ALDH18A1: variants seen among roughly 807,000 people sequenced by gnomAD.
ALDH18A1 encodes the protein aldehyde dehydrogenase 18 family member A1.
A neutral mutation model predicts 88.8 loss-of-function variants in ALDH18A1; 44 were observed. The observed-to-expected ratio is 0.50, with a 90% confidence interval of 0.39 to 0.64. The LOEUF (loss-of-function observed/expected upper bound fraction) is 0.64, where lower values mean the gene tolerates loss of function less well. Among genes scored for constraint, ALDH18A1 ranks in the 30% least tolerant of loss-of-function variants. ALDH18A1 has a pLI of 0.00. For missense variants in ALDH18A1, 782 were observed against 1,009.5 expected (o/e 0.77, Z 3.05); for synonymous variants, 331 against 372.1 (o/e 0.89, Z 1.27).
intron 2 of ALDH18A1, among the ~76,000 whole-genome samples, chr10:95,644,057 C>T (rs575546515): frequency 3.3e-5 from 5 of 152,236 alleles, no homozygotes; most frequent in Non-Finnish European, 7.4e-5. Flanking sequence ...GCAGGAGAAT[C>T]GCTTGAACCC....
At chr10:95,611,200 A>T (rs2097833644) in intron 16 of ALDH18A1, 56 bp downstream of exon 16, 1 of 1,603,500 alleles carries the variant, frequency 6.2e-7, no homozygotes, top group African/African-American at 1.3e-5. Context: ...TAAGAGGAGC[A>T]GGATCAGAAA....
In ALDH18A1 at chr10:95,606,900, T is replaced by A. The variant is rs2097823786; in HGVS notation, c.2250A>T (p.Gly750=). Reference sequence around the variant, plus strand: ...TAAGCAGTCCCTCAAGTCCTACTGGTCCCCGGGCGTGGATTCTCGATGTAC... The same window carrying A: ...TAAGCAGTCCCTCAAGTCCTACTGGACCCCGGGCGTGGATTCTCGATGTAC... The part of the protein sequence containing the change: ...GISTSRIHAR[G]PVGLEGLLTT... The change falls in exon 18 of 18, where the codon GGA becomes GGT. Residue 750 remains glycine (G), a synonymous_variant. Transcript: ENST00000371224. The A allele has an allele frequency of 6.2e-7, 1 of 1,614,008 alleles. No homozygotes were observed. The highest frequency in any genetic ancestry group is 8.5e-7 in the Non-Finnish European group (1 of 1,180,020).
In ALDH18A1 at chr10:95,625,618, T is replaced by G. The variant is rs951999347; in HGVS notation, c.1153-163A>C. ...ACTTCCCATCACTTATTCCCACCAC[T>G]GCTCCCCTTATTTCTTCCTTCCTCT... On this transcript the variant is annotated intron_variant, in intron 10 of 17. Coordinates refer to ENST00000371224, the MANE Select transcript of ALDH18A1 (RefSeq NM_002860.4). 2.6e-5 allele frequency among the ~76,000 whole-genome samples: 4 copies of G among 152,098 alleles called. No homozygotes were observed. In the East Asian group the frequency reaches 7.7e-4, roughly 29 times the overall value.
At position 95,637,085 on chromosome 10, in the gene ALDH18A1, C is replaced by T; in HGVS notation, c.558+8G>A. On this transcript the variant is annotated splice_region_variant and intron_variant, in intron 5 of 17. Transcript: ENST00000371224. Reference sequence around the variant, plus strand: ...GTCCCACACCCATTTCAAAGCCCAGCCTCTCACCTGGGCAGCACAGATGCT... The same window carrying T: ...GTCCCACACCCATTTCAAAGCCCAGTCTCTCACCTGGGCAGCACAGATGCT... The T allele has an allele frequency of 5.0e-6, 8 of 1,613,204 alleles. No individual in the cohort carries two copies. Among genetic ancestry groups the T allele is most frequent in the Non-Finnish European group, 6.8e-6 (8 of 1,179,364 alleles).
intron 17 of ALDH18A1, 119 bp from the exon 18 acceptor site, chr10:95,607,062 A>T (rs2097824115): frequency 1.0e-6 from 1 of 997,742 alleles, no homozygotes; most frequent in African/African-American, 1.6e-5. Context: ...CTAACTCCTC[A>T]TCCATCCTCC....
At chr10:95,641,674 T>C (rs916042883) in intron 3 of ALDH18A1, among the ~76,000 whole-genome samples, 1 of 152,102 alleles carries the variant, frequency 6.6e-6, no homozygotes. Context: ...GGTCTTGCTC[T>C]GTCACCAAGG....
intron 10 of ALDH18A1, among the ~76,000 whole-genome samples, chr10:95,626,446 CTCA>C (rs966887069): frequency 5.6e-4 from 86 of 152,252 alleles, no homozygotes; most frequent in African/African-American, 1.9e-3. Flanking sequence ...CCTTTCTAAT[CTCA>C]TCATTTTTAT....
chr10:95,637,991 CA>C (rs2097884269), intron 3 of ALDH18A1, among the ~76,000 whole-genome samples: 1 of 147,212 alleles, frequency 6.8e-6, no homozygotes, highest in African/African-American at 2.7e-5. Context: ...ACAACAACAA[CA>C]ACAACAACAA....
At chr10:95,607,277 T>G (rs1393883405) in intron 17 of ALDH18A1, among the ~76,000 whole-genome samples, 2 of 152,234 alleles carry the variant, frequency 1.3e-5, no homozygotes, top group Admixed American at 6.5e-5. Context: ...TTTGGGCATG[T>G]TTTGAGGGGT....
chr10:95,608,559 T>C (rs1470633482), intron 17 of ALDH18A1, among the ~76,000 whole-genome samples: 2 of 152,226 alleles, frequency 1.3e-5, no homozygotes, highest in Non-Finnish European at 2.9e-5. Flanking sequence ...TGGAGTACAA[T>C]GGCATCATCT....
intron 3 of ALDH18A1, among the ~76,000 whole-genome samples, chr10:95,638,463 C>T (rs1024010441): frequency 1.3e-5 from 2 of 152,158 alleles, no homozygotes; most frequent in African/African-American, 2.4e-5. Context: ...TACTTTTGTG[C>T]CAACCTAATA....
At position 95,628,444 on chromosome 10, in the gene ALDH18A1, A is replaced by AT; in HGVS notation, c.856dup (p.Ile286AsnfsTer17). On this transcript the variant is annotated frameshift_variant, in exon 8 of 18. Coordinates refer to ENST00000371224, the MANE Select transcript of ALDH18A1 (RefSeq NM_002860.4). LOFTEE classifies it high-confidence loss of function. Reference sequence around the variant, plus strand: ...AGACTGCTGATCTCCGGGATAAAATATATCAATAAGCTTTGCATCATCTGA... The same window carrying AT: ...AGACTGCTGATCTCCGGGATAAAATATTATCAATAAGCTTTGCATCATCTGA... The AT allele has an allele frequency of 6.2e-7, 1 of 1,614,126 alleles. No homozygotes were observed. The highest frequency in any genetic ancestry group is 8.5e-7 in the Non-Finnish European group (1 of 1,179,978).
chr10:95,626,642 G>A (rs2097860806), intron 10 of ALDH18A1, 61 bp downstream of exon 10: 2 of 1,542,392 alleles, frequency 1.3e-6, no homozygotes, highest in Non-Finnish European at 1.8e-6. Flanking sequence ...TTTGACTCCT[G>A]TAACTACACA....
chr10:95,650,143 G>GA (rs2097908096), intron 2 of ALDH18A1, among the ~76,000 whole-genome samples: 2 of 152,000 alleles, frequency 1.3e-5, no homozygotes, highest in African/African-American at 4.8e-5. Context: ...AAACATACGA[G>GA]AAAATCTTCA....
intron 15 of ALDH18A1, among the ~76,000 whole-genome samples, chr10:95,612,813 T>C (rs904851910): frequency 3.3e-5 from 5 of 152,216 alleles, no homozygotes; most frequent in Non-Finnish European, 5.9e-5. Context: ...ACAGGCTTCC[T>C]TACCAAAGTA....
At chr10:95,634,731 T>C (rs938994991) in intron 5 of ALDH18A1, among the ~76,000 whole-genome samples, 4 of 152,228 alleles carry the variant, frequency 2.6e-5, no homozygotes, top group Admixed American at 6.5e-5. Context: ...ACAGCTCTGC[T>C]TTCTAGCTTA....
At chr10:95,626,104 T>C (rs1198855856) in intron 10 of ALDH18A1, among the ~76,000 whole-genome samples, 1 of 152,164 alleles carries the variant, frequency 6.6e-6, no homozygotes, top group Non-Finnish European at 1.5e-5. Flanking sequence ...GGCTCCTCCT[T>C]TGCTTTCCTT....
intron 10 of ALDH18A1, 102 bp from the exon 11 acceptor site, chr10:95,625,557 C>T: frequency 1.1e-6 from 1 of 933,964 alleles, no homozygotes; most frequent in Non-Finnish European, 1.7e-6. Context: ...AGGCCTTGCT[C>T]CCACATCCAC....
chr10:95,641,164 C>T (rs1200562261), intron 3 of ALDH18A1, among the ~76,000 whole-genome samples: 1 of 152,198 alleles, frequency 6.6e-6, no homozygotes, highest in East Asian at 1.9e-4. Context: ...GTGCAAATCC[C>T]ATCAGTTGTC....
Sources: gnomAD v4.1 joint callset for allele counts (sites outside exome capture counted in the v4.1 genomes callset) on GRCh38, gnomAD v4.1.1 for gene constraint, MANE v1.5 for transcripts, NCBI Gene and HGNC (gene_info 2026-07-23, HGNC 2026-07-21) for gene names.